ZFPM2: variants seen among roughly 807,000 people sequenced by gnomAD.
ZFPM2 encodes the protein zinc finger protein, FOG family member 2.
In ZFPM2, 20 loss-of-function variants were observed where a neutral mutation model predicts 98.6. The ratio of observed to expected loss-of-function variants is 0.20; its 90% CI spans 0.14 to 0.29. ZFPM2 has a LOEUF of 0.29. Ranked by LOEUF, ZFPM2 falls within the 10% of genes least tolerant of loss-of-function variation. The pLI is 1.00. For synonymous variants in ZFPM2, 518 were observed against 502.7 expected, an observed-to-expected ratio of 1.03 and a Z score of -0.41; for missense variants, 1,310 against 1,388.6, an observed-to-expected ratio of 0.94 and a Z score of 0.90.
At chr8:105,416,797 G>A (rs72671684) in intron 1 of ZFPM2, among the ~76,000 whole-genome samples, 2,174 of 152,014 alleles carry the variant, frequency 0.014, 29 homozygotes, top group Non-Finnish European at 0.024. Flanking sequence ...CTAATATTTT[G>A]GTTGACTTTC....
chr8:105,644,514 TTCTC>T (rs934926003), intron 5 of ZFPM2, among the ~76,000 whole-genome samples: 4 of 151,532 alleles, frequency 2.6e-5, no homozygotes, highest in Non-Finnish European at 4.4e-5. Context: ...CTTTCTGTTT[TTCTC>T]TCTCTCTCTC....
At position 105,780,015 on chromosome 8, in the gene ZFPM2, A is replaced by G. The variant is rs1274712390; in HGVS notation, c.533-8703A>G. On this transcript the variant is annotated intron_variant, in intron 5 of 7. Coordinates refer to ENST00000407775, the MANE Select transcript of ZFPM2 (RefSeq NM_012082.4). ...GTTAGAAACCGTATCTGGTTGCACA[A>G]GAACCTTGATCATAAACATTACTTA... Among the ~76,000 whole-genome samples the G allele has an allele frequency of 3.3e-5, 5 of 152,254 alleles. No individual in the cohort carries two copies. The East Asian group carries it at 9.6e-4, about 29-fold the overall frequency.
At chr8:105,794,058 C>G (rs552643943) in intron 6 of ZFPM2, among the ~76,000 whole-genome samples, 2 of 152,292 alleles carry the variant, frequency 1.3e-5, no homozygotes, top group African/African-American at 2.4e-5. Flanking sequence ...TTGTCTGAAG[C>G]CTTCTTCTCT....
At chr8:105,611,082 G>A (rs1218186525) in intron 4 of ZFPM2, among the ~76,000 whole-genome samples, 2 of 152,102 alleles carry the variant, frequency 1.3e-5, no homozygotes, top group Non-Finnish European at 2.9e-5. Context: ...AGGCTTCTGT[G>A]GCCATTGAGT....
chr8:105,585,432 A>G (rs1815691104), intron 4 of ZFPM2, among the ~76,000 whole-genome samples: 1 of 152,204 alleles, frequency 6.6e-6, no homozygotes, highest in South Asian at 2.1e-4. Context: ...TCTGAAATGC[A>G]TACCTGTCTG....
intron 3 of ZFPM2, among the ~76,000 whole-genome samples, chr8:105,484,645 C>T (rs1813193540): frequency 1.3e-5 from 2 of 152,146 alleles, no homozygotes; most frequent in Admixed American, 6.5e-5. Context: ...CTGCCTGACA[C>T]CTAGTAATTT....
At chr8:105,796,637 G>T (rs549197833) in intron 6 of ZFPM2, 1 of 151,914 alleles carries the variant, frequency 6.6e-6, no homozygotes, top group African/African-American at 2.4e-5. Flanking sequence ...GTCTCCCTGA[G>T]CCATCTCCTT....
At chr8:105,687,398 A>G (rs1196732343) in intron 5 of ZFPM2, among the ~76,000 whole-genome samples, 1 of 152,244 alleles carries the variant, frequency 6.6e-6, no homozygotes, top group African/African-American at 2.4e-5. Context: ...AGGGAAATGT[A>G]TTAATAAAAC....
intron 5 of ZFPM2, among the ~76,000 whole-genome samples, chr8:105,746,273 C>T (rs1812342289): frequency 6.6e-6 from 1 of 151,856 alleles, no homozygotes; most frequent in South Asian, 2.1e-4. Context: ...AGGACTTTTA[C>T]AGCTCCTTTT....
intron 5 of ZFPM2, among the ~76,000 whole-genome samples, chr8:105,664,688 T>G (rs1468597363): frequency 6.6e-6 from 1 of 152,228 alleles, no homozygotes; most frequent in Non-Finnish European, 1.5e-5. Context: ...TTCTCATTTT[T>G]ACTTGAAAGA....
At chr8:105,549,068 G>A (rs939258643) in intron 3 of ZFPM2, among the ~76,000 whole-genome samples, 3 of 152,088 alleles carry the variant, frequency 2.0e-5, no homozygotes, top group Admixed American at 6.6e-5. Flanking sequence ...CATATGTAAG[G>A]ATTCTCTGTT....
intron 2 of ZFPM2, among the ~76,000 whole-genome samples, chr8:105,441,837 G>A (rs1812257701): frequency 6.6e-6 from 1 of 152,090 alleles, no homozygotes; most frequent in African/African-American, 2.4e-5. Context: ...GAGAGAAGCA[G>A]GAGGAGGCTC....
intron 3 of ZFPM2, among the ~76,000 whole-genome samples, chr8:105,452,442 C>G (rs1220537753): frequency 1.3e-5 from 2 of 151,664 alleles, no homozygotes; most frequent in African/African-American, 4.8e-5. Flanking sequence ...TTTTTATAAC[C>G]TCCATTATTA....
chr8:105,598,078 T>C (rs1280863597), intron 4 of ZFPM2, among the ~76,000 whole-genome samples: 2 of 151,104 alleles, frequency 1.3e-5, no homozygotes, highest in Non-Finnish European at 3.0e-5. Context: ...TTTTTTTTTT[T>C]TTTTTGGTCA....
chr8:105,559,446 T>C (rs767364771), intron 3 of ZFPM2, among the ~76,000 whole-genome samples: 2 of 152,160 alleles, frequency 1.3e-5, no homozygotes, highest in African/African-American at 4.8e-5. Context: ...TGTTCTTCAA[T>C]TTTCAGTGTA....
intron 1 of ZFPM2, among the ~76,000 whole-genome samples, chr8:105,330,425 G>A (rs950772620): frequency 6.0e-5 from 9 of 150,270 alleles, no homozygotes; most frequent in Non-Finnish European, 8.9e-5. Context: ...AAGGTGAACC[G>A]ATCACCATTT....
At chr8:105,588,771 G>C (rs1815780855) in intron 4 of ZFPM2, among the ~76,000 whole-genome samples, 1 of 152,172 alleles carries the variant, frequency 6.6e-6, no homozygotes, top group Non-Finnish European at 1.5e-5. Flanking sequence ...TAACCACACT[G>C]CCTCCTCACA....
chr8:105,387,637 G>T (rs1811026035), intron 1 of ZFPM2: 1 of 153,108 alleles, frequency 6.5e-6, no homozygotes, highest in African/African-American at 2.4e-5. Flanking sequence ...ACCCGCAAGC[G>T]CTGTGCGCAG....
At chr8:105,708,842 A>G (rs1586211457) in intron 5 of ZFPM2, among the ~76,000 whole-genome samples, 1 of 152,200 alleles carries the variant, frequency 6.6e-6, no homozygotes, top group East Asian at 1.9e-4. Context: ...TTTGGCAAAT[A>G]ATAAAGTACT....
Sources: gnomAD v4.1 joint callset for allele counts (sites outside exome capture counted in the v4.1 genomes callset) on GRCh38, gnomAD v4.1.1 for gene constraint, MANE v1.5 for transcripts, NCBI Gene and HGNC (gene_info 2026-07-23, HGNC 2026-07-21) for gene names.